Variants in SERGEF observed in about 807,000 individuals in gnomAD.
SERGEF encodes the protein secretion regulating guanine nucleotide exchange factor, also known as secretion-regulating guanine nucleotide exchange factor.
In SERGEF, 51 loss-of-function variants were observed where a neutral mutation model predicts 50.0. That is an observed-to-expected ratio of 1.02 (90% CI 0.81 to 1.29). SERGEF has a LOEUF of 1.29. Among genes scored for constraint, SERGEF ranks in the 50% most tolerant of loss-of-function variants. SERGEF has a pLI of 0.00. For synonymous variants in SERGEF, 205 were observed against 212.4 expected (o/e 0.97, Z 0.30); for missense variants, 521 against 557.0 (o/e 0.94, Z 0.65).
chr11:17,790,660 A>T (rs1395249151), intron 10 of SERGEF, among the ~76,000 whole-genome samples: 2 of 152,166 alleles, frequency 1.3e-5, no homozygotes, highest in Non-Finnish European at 2.9e-5. Flanking sequence ...GTACAGGGTG[A>T]TCCCTGGGAG....
intron 10 of SERGEF, among the ~76,000 whole-genome samples, chr11:17,849,215 C>G (rs1850669905): frequency 6.6e-6 from 1 of 152,106 alleles, no homozygotes; most frequent in African/African-American, 2.4e-5. Flanking sequence ...TTGTTCTAGC[C>G]AAGCTGAGCA....
chr11:17,876,993 T>TG (rs1173776286), intron 10 of SERGEF, among the ~76,000 whole-genome samples: 3 of 152,266 alleles, frequency 2.0e-5, no homozygotes, highest in Non-Finnish European at 4.4e-5. Context: ...TCCTTGGTTC[T>TG]GCCTCTTTGT....
intron 1 of SERGEF, 73 bp from the exon 2 acceptor site, chr11:18,008,149 C>T (rs1854122952): frequency 1.4e-6 from 2 of 1,435,026 alleles, no homozygotes; most frequent in East Asian, 2.3e-5. Flanking sequence ...CTGTCTCTGT[C>T]TCTCTCACCC....
intron 3 of SERGEF, 130 bp downstream of exon 3, chr11:18,006,461 C>T: frequency 1.1e-6 from 1 of 895,792 alleles, no homozygotes; most frequent in Non-Finnish European, 1.7e-6. Flanking sequence ...CAATTGTGAG[C>T]CACCGCACCA....
At chr11:17,938,699 GACAGCAAGCAA>G (rs1309613036) in intron 9 of SERGEF, among the ~76,000 whole-genome samples, 3 of 152,166 alleles carry the variant, frequency 2.0e-5, no homozygotes, top group Non-Finnish European at 4.4e-5. Flanking sequence ...AGGAGTAACT[GACAGCAAGCAA>G]ACAGAAAAAG....
intron 9 of SERGEF, among the ~76,000 whole-genome samples, chr11:17,893,242 T>C (rs988860212): frequency 6.6e-6 from 1 of 152,160 alleles, no homozygotes; most frequent in African/African-American, 2.4e-5. Context: ...ATGAGAAAAT[T>C]GAGGCTCATG....
At chr11:17,921,960 T>C (rs965727777) in intron 9 of SERGEF, among the ~76,000 whole-genome samples, 1 of 152,164 alleles carries the variant, frequency 6.6e-6, no homozygotes, top group African/African-American at 2.4e-5. Flanking sequence ...TGAGCTTGCC[T>C]TGTAGCCCAC....
intron 3 of SERGEF, among the ~76,000 whole-genome samples, chr11:18,004,785 T>C (rs1282388452): frequency 1.3e-5 from 2 of 152,250 alleles, no homozygotes; most frequent in Non-Finnish European, 2.9e-5. Flanking sequence ...ACTCAGTGCC[T>C]CGTATTGGGA....
intron 9 of SERGEF, among the ~76,000 whole-genome samples, chr11:17,940,413 C>T (rs1852539927): frequency 6.6e-6 from 1 of 152,078 alleles, no homozygotes; most frequent in South Asian, 2.1e-4. Flanking sequence ...CCACCACCGC[C>T]CACCCAACTG....
At chr11:17,913,606 C>T (rs1851994321) in intron 9 of SERGEF, among the ~76,000 whole-genome samples, 1 of 152,180 alleles carries the variant, frequency 6.6e-6, no homozygotes, top group Non-Finnish European at 1.5e-5. Flanking sequence ...CTGGATAAAA[C>T]AGCCTATCAT....
Position 17,856,823 on chromosome 11 carries a change from T to A in SERGEF, c.1048+21385A>T, listed in dbSNP as rs921528695. The A allele has an allele frequency of 2.6e-5, 4 of 152,264 alleles. No homozygotes were observed. In the East Asian group the frequency reaches 7.7e-4, roughly 29 times the overall value. 9.4% of individuals were successfully genotyped at this position (152,264 alleles called of 1,614,324 possible). The stretch of plus-strand genomic sequence containing the variant: ...TTGGTCACACAGTGTGTTGGCTTCC[T>A]GGACTCTTCTTCCCCCTTAACTTTC... On this transcript the variant is annotated intron_variant, in intron 10 of 10. Coordinates refer to ENST00000265965, the MANE Select transcript of SERGEF (RefSeq NM_012139.4).
rs573543341 is a variant in SERGEF at position 17,836,564 on chromosome 11, C to T, written c.1048+41644G>A. Among the ~76,000 whole-genome samples the T allele has an allele frequency of 4.6e-5, 7 of 152,270 alleles. No individual in the cohort carries two copies. The South Asian group carries it at 1.5e-3, about 32-fold the overall frequency. ...ATGCCTAAAGGATTAAGTCCAGTAC[C>T]CTCAACATGCCACACAAAGACCTTC... On this transcript the variant is annotated intron_variant, in intron 10 of 10. Coordinates refer to ENST00000265965, the MANE Select transcript of SERGEF (RefSeq NM_012139.4).
rs201163102 is a variant in SERGEF, at chr11:17,788,051, T to C, written c.*34A>G. 414 of 1,475,160 alleles carry C rather than the reference T, an allele frequency of 2.8e-4. No homozygotes were observed. The highest frequency in any genetic ancestry group is 3.4e-4 in the Non-Finnish European group (373 of 1,098,734). 91.4% of individuals were successfully genotyped at this position (1,475,160 alleles called of 1,614,324 possible). A position where few individuals can be genotyped will look rare whatever the true frequency, so the allele number is the denominator to read the frequency against. On this transcript the variant is annotated 3_prime_UTR_variant, in exon 11 of 11. Coordinates refer to ENST00000265965, the MANE Select transcript of SERGEF (RefSeq NM_012139.4). ...CAAAACAATTCTCTGGGAAGGCTTT[T>C]GGTGGGAAAAGCCACTTTATTAAAG...
intron 9 of SERGEF, among the ~76,000 whole-genome samples, chr11:17,882,225 G>A (rs573178369): frequency 9.9e-5 from 15 of 152,150 alleles, no homozygotes; most frequent in African/African-American, 3.4e-4. Context: ...AGACCAGCCT[G>A]GCCAACATGG....
At chr11:17,984,707 C>T (rs1393411750) in intron 8 of SERGEF, among the ~76,000 whole-genome samples, 4 of 152,144 alleles carry the variant, frequency 2.6e-5, no homozygotes, top group African/African-American at 9.7e-5. Context: ...GGTGGAGCTG[C>T]CCACAGTCAC....
At chr11:17,873,370 T>C (rs185024018) in intron 10 of SERGEF, among the ~76,000 whole-genome samples, 3 of 152,266 alleles carry the variant, frequency 2.0e-5, no homozygotes, top group Admixed American at 6.5e-5. Flanking sequence ...GCCTATCTCA[T>C]TGTGCACAGA....
chr11:17,853,246 CAGTA>C (rs1430270524), intron 10 of SERGEF, among the ~76,000 whole-genome samples: 1 of 152,118 alleles, frequency 6.6e-6, no homozygotes. Flanking sequence ...GGCAAACAAT[CAGTA>C]AGTGTTAGCT....
intron 9 of SERGEF, among the ~76,000 whole-genome samples, chr11:17,915,402 A>G (rs1251848599): frequency 2.0e-5 from 3 of 152,230 alleles, no homozygotes; most frequent in Non-Finnish European, 4.4e-5. Flanking sequence ...AGAGAAAACT[A>G]TTCTTCAGAG....
intron 9 of SERGEF, among the ~76,000 whole-genome samples, chr11:17,879,689 T>C (rs1165081157): frequency 6.6e-6 from 1 of 152,232 alleles, no homozygotes. Flanking sequence ...CTACAGTTAA[T>C]CTATTATATT....
Sources: gnomAD v4.1 joint callset for allele counts (sites outside exome capture counted in the v4.1 genomes callset) on GRCh38, gnomAD v4.1.1 for gene constraint, MANE v1.5 for transcripts, NCBI Gene and HGNC (gene_info 2026-07-23, HGNC 2026-07-21) for gene names.